PILRA: variants seen among roughly 807,000 people sequenced by gnomAD.
PILRA encodes paired immunoglobin like type 2 receptor alpha.
PILRA carries 37 observed loss-of-function variants against 33.1 expected under a neutral mutation model. The ratio of observed to expected loss-of-function variants is 1.12; its 90% confidence interval spans 0.86 to 1.47. The LOEUF is 1.47. PILRA is among the 40% of genes most tolerant of loss of function. The pLI is 0.00. For synonymous variants in PILRA, 146 were observed against 149.9 expected (o/e 0.97, Z 0.19); for missense variants, 312 against 376.2 (o/e 0.83, Z 1.41).
chr7:100,381,885 G>T (rs756778947), intron 2 of PILRA, among the ~76,000 whole-genome samples: 18 of 152,192 alleles, frequency 1.2e-4, no homozygotes, highest in Non-Finnish European at 1.5e-4. Flanking sequence ...CGGAGGGTGC[G>T]CCTGGTGCCC....
chr7:100,371,949 A>G (rs976885120), upstream of PILRA, among the ~76,000 whole-genome samples: 6 of 152,206 alleles, frequency 3.9e-5, no homozygotes, highest in Non-Finnish European at 5.9e-5. Flanking sequence ...ATTGGGCAGC[A>G]TGTGCCCTCC....
chr7:100,372,057 C>T (rs1307690670), upstream of PILRA, among the ~76,000 whole-genome samples: 9 of 152,278 alleles, frequency 5.9e-5, no homozygotes, highest in Middle Eastern at 6.8e-3. Context: ...TCAGGTGGGG[C>T]GGGCCACCCT....
At chr7:100,371,871 A>C (rs542175849), upstream of PILRA, among the ~76,000 whole-genome samples, 4 of 152,358 alleles carry the variant, frequency 2.6e-5, no homozygotes, top group South Asian at 6.2e-4. Context: ...ATGGGGGTTC[A>C]GCTGGATCCA....
intron 6 of PILRA, 83 bp from the exon 7 acceptor site, chr7:100,399,701 GA>G: frequency 6.2e-7 from 1 of 1,611,780 alleles, no homozygotes; most frequent in Non-Finnish European, 8.5e-7. Context: ...GTGTGGGCAG[GA>G]GAGTCAAACT....
At chr7:100,373,835 G>T in intron 1 of PILRA, 115 bp downstream of exon 1, 1 of 1,438,106 alleles carries the variant, frequency 7.0e-7, no homozygotes, top group Non-Finnish European at 9.6e-7. Context: ...CAGGAAACAA[G>T]GGCGGGTCCC....
chr7:100,391,184 AATTATTATT>A lies in PILRA; in HGVS notation c.673+1095_673+1103del, dbSNP rs1342415315. 4.9e-5 allele frequency among the ~76,000 whole-genome samples: 6 copies of A among 122,048 alleles called. No individual in the cohort carries two copies. In the East Asian group the frequency reaches 8.4e-4, roughly 17 times the overall value. The allele number at this position is 122,048 out of a possible 152,430, so 80.1% of individuals were successfully genotyped here. ...TAATAACAATAATAATAATAATAAT[AATTATTATT>A]ATTATTATTATTATTAGCTGGGCAT... On this transcript the variant is annotated intron_variant, in intron 3 of 6. Coordinates refer to ENST00000198536, the MANE Select transcript of PILRA (RefSeq NM_013439.3).
At position 100,396,046 on chromosome 7, in the gene PILRA, C is replaced by T. The variant is rs1270764270; in HGVS notation, c.674-1833C>T. ...GGCTGAGGCAGGAGAATCACTTGAA[C>T]CCGGGAGGCAGAGGTTGCAGTGAGC... On this transcript the variant is annotated intron_variant, in intron 3 of 6. Transcript: ENST00000198536. Among the ~76,000 whole-genome samples the T allele has an allele frequency of 2.0e-5, 3 of 152,088 alleles. No individual in the cohort carries two copies. The East Asian group carries it at 5.8e-4, about 29-fold the overall frequency.
intron 2 of PILRA, among the ~76,000 whole-genome samples, chr7:100,385,461 C>G (rs1040275872): frequency 2.6e-5 from 4 of 152,084 alleles, no homozygotes; most frequent in Non-Finnish European, 5.9e-5. Context: ...ACCTAATCTC[C>G]CCAGTCCCTA....
rs1017204956 is a variant in PILRA, at chr7:100,373,497, T to C, written c.-160T>C. On this transcript the variant is annotated 5_prime_UTR_variant, in exon 1 of 7. Transcript: ENST00000198536. Reference sequence around the variant, plus strand: ...AAGGAAGTGCTGGTCACCCTGGAGGTGCACTGGTTTGGGGAAGGCTCCTGG... The same window carrying C: ...AAGGAAGTGCTGGTCACCCTGGAGGCGCACTGGTTTGGGGAAGGCTCCTGG... 2.3e-5 allele frequency: 17 copies of C among 733,276 alleles called. No homozygotes were observed. The highest frequency in any genetic ancestry group is 3.8e-5 in the Non-Finnish European group (16 of 421,636). 45.4% of individuals were successfully genotyped at this position (733,276 alleles called of 1,614,324 possible).
At chr7:100,384,805 T>C (rs1408618082) in intron 2 of PILRA, among the ~76,000 whole-genome samples, 5 of 152,094 alleles carry the variant, frequency 3.3e-5, no homozygotes, top group African/African-American at 7.2e-5. Context: ...TGATATTTAA[T>C]GTCACACAGT....
At chr7:100,387,363 G>A (rs1242344375) in intron 2 of PILRA, among the ~76,000 whole-genome samples, 6 of 152,074 alleles carry the variant, frequency 3.9e-5, no homozygotes, top group Non-Finnish European at 5.9e-5. Flanking sequence ...ACAGGCACCC[G>A]CCACCACACC....
intron 3 of PILRA, among the ~76,000 whole-genome samples, chr7:100,392,606 A>G (rs1030901959): frequency 6.6e-6 from 1 of 152,234 alleles, no homozygotes; most frequent in Non-Finnish European, 1.5e-5. Context: ...CCATCGTATG[A>G]ATACATTTAA....
chr7:100,383,101 C>G (rs902860626), intron 2 of PILRA, among the ~76,000 whole-genome samples: 2 of 152,158 alleles, frequency 1.3e-5, no homozygotes, highest in African/African-American at 4.8e-5. Context: ...TCACATTGAA[C>G]AGGGAAGGCT....
In PILRA at chr7:100,382,976, A is replaced by G. The variant is rs1402771490; in HGVS notation, c.455-6912A>G. On this transcript the variant is annotated intron_variant, in intron 2 of 6. Transcript: ENST00000198536. ...ATTCTTGAAGTCAGTGAGACTGAGCACTCACCAATTCTGGACACAAATGGA... is the reference window on the plus strand; with the variant it reads ...ATTCTTGAAGTCAGTGAGACTGAGCGCTCACCAATTCTGGACACAAATGGA... Among the ~76,000 whole-genome samples, 4 of 152,332 alleles carry G rather than the reference A, an allele frequency of 2.6e-5. No individual in the cohort carries two copies. The East Asian group carries it at 7.7e-4, about 29-fold the overall frequency.
At chr7:100,373,453 A>G (rs1448291222), upstream of PILRA, 39 of 621,690 alleles carry the variant, frequency 6.3e-5, no homozygotes, top group Non-Finnish European at 1.0e-4. Context: ...GCAATAGGGG[A>G]AAATAAGCCA....
At chr7:100,393,938 C>T (rs758591500) in intron 3 of PILRA, among the ~76,000 whole-genome samples, 61 of 152,326 alleles carry the variant, frequency 4.0e-4, no homozygotes, top group Non-Finnish European at 6.0e-4. Context: ...AGCCGATCCC[C>T]GCCCCTCCGA....
chr7:100,381,762 G>C (rs1269905226), intron 2 of PILRA, among the ~76,000 whole-genome samples: 1 of 152,196 alleles, frequency 6.6e-6, no homozygotes, highest in African/African-American at 2.4e-5. Flanking sequence ...GGCTGCGCGC[G>C]GCGCTTGCGG....
In PILRA at chr7:100,399,348, C is replaced by T. The variant is rs376095763; in HGVS notation, c.757+8C>T. ...AGAATATCAGGAATGAAGGTGAGTC[C>T]TTACCACCATCCTTCCCCAGTTTCT... On this transcript the variant is annotated splice_region_variant and intron_variant, in intron 5 of 6. Transcript: ENST00000198536. 6.2e-7 allele frequency: 1 copy of T among 1,609,844 alleles called. No individual in the cohort carries two copies. The highest frequency in any genetic ancestry group is 8.5e-7 in the Non-Finnish European group (1 of 1,176,314).
At chr7:100,382,772 A>G (rs1791144093) in intron 2 of PILRA, among the ~76,000 whole-genome samples, 1 of 152,120 alleles carries the variant, frequency 6.6e-6, no homozygotes, top group South Asian at 2.1e-4. Context: ...GTCCACACTG[A>G]CCTTTATGAG....
Sources: gnomAD v4.1 joint callset for allele counts (sites outside exome capture counted in the v4.1 genomes callset) on GRCh38, gnomAD v4.1.1 for gene constraint, MANE v1.5 for transcripts, NCBI Gene and HGNC (gene_info 2026-07-23, HGNC 2026-07-21) for gene names.